The following PTPRT variants were observed in gnomAD, a reference collection of about 807,000 sequenced individuals.
PTPRT encodes receptor-type tyrosine-protein phosphatase T.
In PTPRT, 56 loss-of-function variants were observed where a neutral mutation model predicts 176.8. That is an observed-to-expected ratio of 0.32 (90% CI 0.26 to 0.40). The LOEUF (loss-of-function observed/expected upper bound fraction) is 0.40. PTPRT is among the 10% of genes least tolerant of loss of function. The pLI is 1.00. For synonymous variants in PTPRT, 783 were observed against 739.0 expected, an observed-to-expected ratio of 1.06 and a Z score of -0.96; for missense variants, 1,540 against 1,908.2, an observed-to-expected ratio of 0.81 and a Z score of 3.60.
intron 18 of PTPRT, among the ~76,000 whole-genome samples, chr20:42,140,900 T>C (rs1378296783): frequency 6.6e-6 from 1 of 152,208 alleles, no homozygotes; most frequent in Admixed American, 6.5e-5. Context: ...TTTATGTACC[T>C]TTAAATGCTC....
In PTPRT at chr20:42,080,904, G is replaced by T. The variant is rs1179513181; in HGVS notation, c.4301C>A (p.Ala1434Glu). 3.1e-6 allele frequency: 5 copies of T among 1,610,650 alleles called. No individual in the cohort carries two copies. The change falls in exon 31 of 31, where the codon GCA becomes GAA. Residue 1434 changes from alanine (A) to glutamate (E), a missense_variant. By Grantham distance (107) the Ala-to-Glu change is moderately radical. Around this residue, in one of 11 missense-constraint regions of PTPRT, gnomAD observed 342 missense variants for 394.0 expected, o/e 0.87. Coordinates refer to ENST00000373187, the MANE Select transcript of PTPRT (RefSeq NM_007050.6). ...LEQYKFVYEV[A>E]LEYLSSF is the part of the protein sequence containing the mutation. Reference sequence around the variant, plus strand: ...CTAAAAGGAGCTTAAATATTCCAGTGCCACCTCGTATACAAATTTATACTG... The same window carrying T: ...CTAAAAGGAGCTTAAATATTCCAGTTCCACCTCGTATACAAATTTATACTG...
chr20:42,832,157 G>A (rs2078100547), intron 2 of PTPRT, among the ~76,000 whole-genome samples: 1 of 152,142 alleles, frequency 6.6e-6, no homozygotes, highest in African/African-American at 2.4e-5. Flanking sequence ...AAGAAAATGT[G>A]GTACATATAC....
intron 13 of PTPRT, among the ~76,000 whole-genome samples, chr20:42,267,662 T>A (rs6030101): frequency 0.66 from 100,727 of 151,958 alleles, 34,583 homozygotes; most frequent in African/African-American, 0.84. Context: ...AGAGGCAGGG[T>A]TGTTGCTAAG....
intron 1 of PTPRT, among the ~76,000 whole-genome samples, chr20:43,072,368 A>G (rs2011193035): frequency 6.6e-6 from 1 of 152,208 alleles, no homozygotes; most frequent in Non-Finnish European, 1.5e-5. Context: ...ATCCCAGTCC[A>G]TGTAATTGCA....
At chr20:42,868,256 A>G (rs4315585) in intron 2 of PTPRT, among the ~76,000 whole-genome samples, 48,670 of 152,020 alleles carry the variant, frequency 0.32, 8,664 homozygotes, top group African/African-American at 0.49. Context: ...GTATAGTCAC[A>G]AACAGAATGA....
chr20:42,960,042 G>A (rs756799679), intron 1 of PTPRT, among the ~76,000 whole-genome samples: 4 of 151,958 alleles, frequency 2.6e-5, no homozygotes, highest in South Asian at 2.1e-4. Context: ...ATCTACTCAC[G>A]GAGTGTCTGG....
At chr20:43,059,125 A>G (rs2425576) in intron 1 of PTPRT, among the ~76,000 whole-genome samples, 55,975 of 152,070 alleles carry the variant, frequency 0.37, 12,257 homozygotes, top group African/African-American at 0.6. Context: ...AATCAACTTT[A>G]GGGTCATTCT....
intron 16 of PTPRT, among the ~76,000 whole-genome samples, chr20:42,198,560 G>A (rs1600664939): frequency 2.6e-5 from 4 of 152,316 alleles, no homozygotes; most frequent in African/African-American, 9.6e-5. Flanking sequence ...CCACAAGGAA[G>A]CCTTAGATGT....
At chr20:43,096,948 C>T (rs999828106) in intron 1 of PTPRT, among the ~76,000 whole-genome samples, 5 of 152,122 alleles carry the variant, frequency 3.3e-5, no homozygotes, top group Non-Finnish European at 5.9e-5. Context: ...GATGAAGGCC[C>T]GAGGTAAGTT....
chr20:42,354,215 C>T (rs1399363349), intron 9 of PTPRT, among the ~76,000 whole-genome samples: 1 of 152,198 alleles, frequency 6.6e-6, no homozygotes, highest in East Asian at 1.9e-4. Flanking sequence ...TACTTGCCTA[C>T]CCCCATCAGG....
intron 2 of PTPRT, among the ~76,000 whole-genome samples, chr20:42,858,485 T>C (rs989620375): frequency 6.6e-6 from 1 of 152,176 alleles, no homozygotes; most frequent in Non-Finnish European, 1.5e-5. Context: ...GGTGATGGTA[T>C]TAAGCGATGA....
intron 7 of PTPRT, among the ~76,000 whole-genome samples, chr20:42,563,644 A>G (rs2072990556): frequency 6.6e-6 from 1 of 152,228 alleles, no homozygotes; most frequent in African/African-American, 2.4e-5. Flanking sequence ...GTACATACAT[A>G]TAATGGAATT....
At chr20:42,884,180 C>T (rs1272394702) in intron 2 of PTPRT, among the ~76,000 whole-genome samples, 1 of 152,036 alleles carries the variant, frequency 6.6e-6, no homozygotes, top group Non-Finnish European at 1.5e-5. Flanking sequence ...AGAGGTTGTT[C>T]CACACTGCCT....
intron 2 of PTPRT, among the ~76,000 whole-genome samples, chr20:42,815,506 G>A (rs2077767741): frequency 1.3e-5 from 2 of 152,144 alleles, no homozygotes; most frequent in South Asian, 4.2e-4. Flanking sequence ...GCACAACAAG[G>A]AAACATTTTT....
At chr20:43,170,837 A>G (rs2014979060) in intron 1 of PTPRT, among the ~76,000 whole-genome samples, 1 of 152,208 alleles carries the variant, frequency 6.6e-6, no homozygotes, top group Non-Finnish European at 1.5e-5. Context: ...TGAGTGACCC[A>G]AGATGAGATA....
chr20:42,379,731 C>A (rs559898772), intron 9 of PTPRT, among the ~76,000 whole-genome samples: 175 of 152,366 alleles, frequency 1.1e-3, no homozygotes, highest in African/African-American at 4.1e-3. Flanking sequence ...GAACTTCCTT[C>A]TTCTTGGGCA....
chr20:42,738,597 G>C (rs754734260), intron 6 of PTPRT, among the ~76,000 whole-genome samples: 3 of 152,066 alleles, frequency 2.0e-5, no homozygotes, highest in Non-Finnish European at 4.4e-5. Flanking sequence ...TAGAATATCT[G>C]CTTCAAAATA....
In PTPRT at chr20:42,515,376, G is replaced by A. The variant is rs140295849; in HGVS notation, c.1154-42814C>T. ...CATGTGCCCGTAATCCCAGTTACTCGGGAGGCTGAGGCAGGAGAATTGCTT... is the reference window on the plus strand; with the variant it reads ...CATGTGCCCGTAATCCCAGTTACTCAGGAGGCTGAGGCAGGAGAATTGCTT... On this transcript the variant is annotated intron_variant, in intron 7 of 30. Coordinates refer to ENST00000373187, the MANE Select transcript of PTPRT (RefSeq NM_007050.6). Among the ~76,000 whole-genome samples, 1,483 of 152,148 alleles carry A rather than the reference G, an allele frequency of 9.7e-3. 28 individuals carry two copies. The highest frequency in any genetic ancestry group is 0.041 in the Admixed American group (630 of 15,282).
intron 1 of PTPRT, among the ~76,000 whole-genome samples, chr20:42,987,760 A>G (rs1277928138): frequency 2.0e-5 from 3 of 152,102 alleles, no homozygotes; most frequent in African/African-American, 7.2e-5. Context: ...CCATACAGAT[A>G]AACAATAGTT....
Sources: allele counts gnomAD v4.1 joint callset (sites outside exome capture counted in the v4.1 genomes callset), GRCh38; gene constraint gnomAD v4.1.1; regional missense constraint gnomAD v4.1.1; transcripts MANE v1.5; gene names NCBI Gene and HGNC (gene_info 2026-07-23, HGNC 2026-07-21).